The following FAM193A variants were observed in gnomAD, a reference collection of about 807,000 sequenced individuals.
The protein encoded by FAM193A is family with sequence similarity 193 member A, also known as protein FAM193A.
FAM193A carries 22 observed loss-of-function variants against 126.5 expected under a neutral mutation model. The observed-to-expected ratio is 0.17, with a 90% CI of 0.12 to 0.25. The LOEUF (loss-of-function observed/expected upper bound fraction) is 0.25. FAM193A is among the 10% of genes least tolerant of loss of function. The pLI, the probability that FAM193A is intolerant of heterozygous loss-of-function variation, is 1.00. For missense variants in FAM193A, 1,675 were observed against 1,672.8 expected, an observed-to-expected ratio of 1.00 and a Z score of -0.02; for synonymous variants, 761 against 646.8, an observed-to-expected ratio of 1.18 and a Z score of -2.68.
At chr4:2,620,923 C>T (rs1430120844) in intron 2 of FAM193A, among the ~76,000 whole-genome samples, 5 of 151,434 alleles carry the variant, frequency 3.3e-5, no homozygotes, top group Non-Finnish European at 5.9e-5. Flanking sequence ...AGAATATGGC[C>T]GGGGCAGATT....
At chr4:2,714,081 T>C (rs1050959160) in intron 19 of FAM193A, among the ~76,000 whole-genome samples, 1 of 152,202 alleles carries the variant, frequency 6.6e-6, no homozygotes, top group Non-Finnish European at 1.5e-5. Context: ...CCAGCTCTTT[T>C]TCCTCCTCAA....
intron 13 of FAM193A, among the ~76,000 whole-genome samples, chr4:2,682,886 A>G (rs1172748639): frequency 6.6e-6 from 1 of 152,168 alleles, no homozygotes; most frequent in Non-Finnish European, 1.5e-5. Context: ...TATCTTTTAG[A>G]TGAATAATAA....
chr4:2,601,174 C>G (rs1226778338), intron 2 of FAM193A, among the ~76,000 whole-genome samples: 1 of 150,410 alleles, frequency 6.6e-6, no homozygotes, highest in African/African-American at 2.4e-5. Flanking sequence ...GTGTAATGGT[C>G]TCTTTTCACT....
At chr4:2,686,417 GC>G (rs1350755241) in intron 13 of FAM193A, among the ~76,000 whole-genome samples, 12 of 152,094 alleles carry the variant, frequency 7.9e-5, no homozygotes, top group African/African-American at 2.7e-4. Context: ...GTTAGTCTTG[GC>G]CCCTCTTTTC....
chr4:2,545,411 G>A (rs1407393342), intron 1 of FAM193A, among the ~76,000 whole-genome samples: 1 of 151,588 alleles, frequency 6.6e-6, no homozygotes, highest in Non-Finnish European at 1.5e-5. Context: ...TTCATGGCAT[G>A]TAAACTTACT....
intron 19 of FAM193A, among the ~76,000 whole-genome samples, chr4:2,711,892 A>C (rs1267723646): frequency 6.6e-6 from 1 of 152,062 alleles, no homozygotes; most frequent in Non-Finnish European, 1.5e-5. Context: ...GTGCTGCTGC[A>C]CTCCAGCCTG....
intron 19 of FAM193A, among the ~76,000 whole-genome samples, chr4:2,709,533 AC>A (rs1718681774): frequency 6.6e-6 from 1 of 152,030 alleles, no homozygotes; most frequent in Admixed American, 6.6e-5. Flanking sequence ...ACATGGTGAA[AC>A]CCCGTCTCTA....
At chr4:2,575,401 G>A (rs950776040) in intron 1 of FAM193A, among the ~76,000 whole-genome samples, 5 of 152,036 alleles carry the variant, frequency 3.3e-5, no homozygotes, top group Non-Finnish European at 5.9e-5. Flanking sequence ...TTTTGAAGAT[G>A]CAGTTTATTA....
chr4:2,715,755 G>A (rs1413405966), intron 19 of FAM193A, among the ~76,000 whole-genome samples: 2 of 152,152 alleles, frequency 1.3e-5, no homozygotes, highest in Admixed American at 6.5e-5. Flanking sequence ...AGTCACATGG[G>A]GAGTCTAGGT....
chr4:2,647,007 G>C (rs553644582), intron 7 of FAM193A, among the ~76,000 whole-genome samples, 175 bp downstream of exon 7: 1 of 152,234 alleles, frequency 6.6e-6, no homozygotes, highest in Non-Finnish European at 1.5e-5. Flanking sequence ...GAAGGGATGG[G>C]AAACCTGTTG....
At chr4:2,692,447 G>A (rs1391904998) in intron 15 of FAM193A, among the ~76,000 whole-genome samples, 2 of 152,126 alleles carry the variant, frequency 1.3e-5, no homozygotes, top group African/African-American at 4.8e-5. Flanking sequence ...CCTATCACTG[G>A]GTACCGACAG....
intron 1 of FAM193A, among the ~76,000 whole-genome samples, chr4:2,585,756 G>A (rs950608371): frequency 2.0e-5 from 3 of 152,060 alleles, no homozygotes; most frequent in African/African-American, 7.2e-5. Flanking sequence ...GCAAAACCCC[G>A]TCTTTACTAA....
chr4:2,723,118 A>G (rs543289377), intron 20 of FAM193A, among the ~76,000 whole-genome samples: 1 of 152,040 alleles, frequency 6.6e-6, no homozygotes, highest in Non-Finnish European at 1.5e-5. Flanking sequence ...CTAAAAATAC[A>G]AAAAAATTAG....
chr4:2,662,955 G>A lies in FAM193A; in HGVS notation c.1863G>A (p.Leu621=). The A allele has an allele frequency of 6.2e-7, 1 of 1,613,446 alleles. No homozygotes were observed. Among genetic ancestry groups the A allele is most frequent in the Non-Finnish European group, 8.5e-7 (1 of 1,179,368 alleles). ...ACATGAATGGAATCCACAGCGAATT[G>A]AATGGTGGCGGGGAAAACATGGCCC... The part of the protein sequence containing the change: ...VANMNGIHSE[L]NGGGENMALK... Residue 621 remains leucine (L), a synonymous_variant, in exon 11 of 21, where the codon TTG becomes TTA. Transcript: ENST00000637812.
chr4:2,643,163 A>T (rs1401515642), intron 6 of FAM193A, among the ~76,000 whole-genome samples: 2 of 152,138 alleles, frequency 1.3e-5, no homozygotes, highest in Non-Finnish European at 2.9e-5. Flanking sequence ...AGCACTGACG[A>T]CGCCAGGACA....
chr4:2,540,333 T>G (rs577497742), intron 1 of FAM193A, among the ~76,000 whole-genome samples: 71 of 152,254 alleles, frequency 4.7e-4, no homozygotes, highest in Middle Eastern at 3.4e-3. Flanking sequence ...CCGGGCGTGG[T>G]GGCGGGCACC....
At chr4:2,603,923 A>T (rs1430144017) in intron 2 of FAM193A, among the ~76,000 whole-genome samples, 2 of 151,892 alleles carry the variant, frequency 1.3e-5, no homozygotes, top group Non-Finnish European at 2.9e-5. Flanking sequence ...GCTCACTGCA[A>T]CCTCTGCCTT....
Position 2,662,977 on chromosome 4 carries a change from G to A in FAM193A, c.1885G>A (p.Ala629Thr), listed in dbSNP as rs1415671283. ...ATTGAATGGTGGCGGGGAAAACATG[G>A]CCCTGAAGGATGAGGTATGGACATG... The part of the protein sequence containing the change: ...SELNGGGENM[A>T]LKDESPQISS... The change falls in exon 11 of 21, where the codon GCC becomes ACC. Residue 629 changes from alanine (A) to threonine (T), a missense_variant. By Grantham distance (58) the Ala-to-Thr change is moderately conservative (BLOSUM62 0). Transcript: ENST00000637812. The A allele has an allele frequency of 6.2e-7, 1 of 1,612,968 alleles. No individual in the cohort carries two copies.
At chr4:2,647,196 A>C (rs1394466670) in intron 7 of FAM193A, among the ~76,000 whole-genome samples, 1 of 151,460 alleles carries the variant, frequency 6.6e-6, no homozygotes, top group East Asian at 1.9e-4. Context: ...CCCAGGCTGG[A>C]GTGCAATGGT....
Sources: gnomAD v4.1 joint callset for allele counts (sites outside exome capture counted in the v4.1 genomes callset) on GRCh38, gnomAD v4.1.1 for gene constraint, MANE v1.5 for transcripts, NCBI Gene and HGNC (gene_info 2026-07-23, HGNC 2026-07-21) for gene names.